CEP131: variants seen among roughly 807,000 people sequenced by gnomAD.
CEP131 encodes centrosomal protein of 131 kDa.
CEP131 carries 99 observed loss-of-function variants against 136.8 expected under a neutral mutation model. The observed-to-expected ratio is 0.72, with a 90% CI of 0.62 to 0.86. The LOEUF (loss-of-function observed/expected upper bound fraction) is 0.86. Among genes scored for constraint, CEP131 ranks in the 40% least tolerant of loss-of-function variants. CEP131 has a pLI of 0.00. For missense variants in CEP131, 1,459 were observed against 1,463.0 expected, an observed-to-expected ratio of 1.00 and a Z score of 0.04; for synonymous variants, 646 against 612.7, an observed-to-expected ratio of 1.05 and a Z score of -0.80.
At chr17:81,220,207 C>T (rs1472669573) in intron 1 of CEP131, 134 bp from the exon 2 acceptor site, 4 of 607,788 alleles carry the variant, frequency 6.6e-6, no homozygotes, top group African/African-American at 1.9e-5. Flanking sequence ...ACAACCTATG[C>T]ACCCCTCTGG....
intron 2 of CEP131, among the ~76,000 whole-genome samples, chr17:81,217,663 C>T (rs763672792): frequency 3.3e-5 from 5 of 152,106 alleles, no homozygotes; most frequent in African/African-American, 9.7e-5. Flanking sequence ...GGGGTGGGGC[C>T]GTCTCGGATC....
At chr17:81,197,444 T>A (rs1391002736) in intron 13 of CEP131, 1 of 557,408 alleles carries the variant, frequency 1.8e-6, no homozygotes, top group African/African-American at 1.9e-5. Flanking sequence ...TGGAGGCAGC[T>A]CGGGGCAGCG....
intron 2 of CEP131, among the ~76,000 whole-genome samples, chr17:81,214,283 G>A (rs537102228): frequency 2.3e-4 from 35 of 152,298 alleles, no homozygotes; most frequent in Admixed American, 6.5e-4. Flanking sequence ...CAGTCACGCC[G>A]GAGGCTCACG....
chr17:81,194,062 G>T lies in CEP131; in HGVS notation c.2185C>A (p.Leu729Met), dbSNP rs572800471. 1 of 1,585,622 alleles carries T rather than the reference G, an allele frequency of 6.3e-7. No individual in the cohort carries two copies. The highest frequency in any genetic ancestry group is 8.6e-7 in the Non-Finnish European group (1 of 1,166,490). ...GACTGCAGCAGCTCCGCCTCGTGCA[G>T]GCTCTTGAGCCTCCGCACTTCCTGC... ...HKQEVRRLKS[L>M]HEAELLQSDE... Residue 729 changes from leucine to methionine, a missense_variant, in exon 18 of 26, where the codon CTG becomes ATG. Leu to Met is a conservative substitution (Grantham distance 15). Around this residue, in one of 3 missense-constraint regions of CEP131, gnomAD observed 1,026 missense variants for 964.2 expected, o/e 1.06. Transcript: ENST00000450824.
intron 7 of CEP131, 79 bp downstream of exon 7, chr17:81,202,161 T>TG: frequency 7.3e-5 from 40 of 546,316 alleles, no homozygotes; most frequent in Non-Finnish European, 1.0e-4. Context: ...CTCGGAGGTG[T>TG]GAGCCCCCCA....
chr17:81,191,020 G>A lies in CEP131; in HGVS notation c.2830C>T (p.Leu944Phe), dbSNP rs767380193. The change falls in exon 23 of 26, where the codon CTT becomes TTT. Residue 944 changes from leucine (L) to phenylalanine (F), a missense_variant. Around this residue, in one of 3 missense-constraint regions of CEP131, gnomAD observed 1,026 missense variants for 964.2 expected, o/e 1.06. Transcript: ENST00000450824. ...LSELEQSERK[L>F]QERCSELKGQ... The stretch of plus-strand genomic sequence containing the variant: ...TTCAGCTCCGAGCACCGCTCCTGAA[G>A]CTTCCGCTCCGACTGCTCCAGCTCG... 1.2e-6 allele frequency: 2 copies of A among 1,610,424 alleles called. No homozygotes were observed. The highest frequency in any genetic ancestry group is 1.1e-5 in the South Asian group (1 of 91,086).
In CEP131 at chr17:81,209,069, A is replaced by G. The variant is rs1457476647; in HGVS notation, c.178-47T>C. ...TTAATTATGCAGCAAAGGCTCACTCACCAGTTTGCTCAGCCTCCGCCAGCT... is the reference window on the plus strand; with the variant it reads ...TTAATTATGCAGCAAAGGCTCACTCGCCAGTTTGCTCAGCCTCCGCCAGCT... On this transcript the variant is annotated intron_variant, in intron 2 of 25. Coordinates refer to ENST00000450824, the MANE Select transcript of CEP131 (RefSeq NM_014984.4). 2.1e-6 allele frequency: 3 copies of G among 1,408,986 alleles called. No individual in the cohort carries two copies. In the Admixed American group the frequency reaches 5.6e-5, roughly 26 times the overall value. 87.3% of individuals were successfully genotyped at this position (1,408,986 alleles called of 1,614,324 possible).
In CEP131 at chr17:81,219,081, C is replaced by T. The variant is rs62075323; in HGVS notation, c.177+799G>A. On this transcript the variant is annotated intron_variant, in intron 2 of 25. Transcript: ENST00000450824. The surrounding 1 kb of genome is among the most constrained non-coding windows in gnomAD (Gnocchi z 4.0). ...CCCAAAGACTGGGCCTGGCAGACAC[C>T]AACTCAGGGTGCAGCAGGCCCGGCC... Among the ~76,000 whole-genome samples the T allele has an allele frequency of 6.6e-6, 1 of 152,114 alleles. No individual in the cohort carries two copies. Among genetic ancestry groups the T allele is most frequent in the Non-Finnish European group, 1.5e-5 (1 of 68,008 alleles).
At chr17:81,212,743 A>G (rs2062161759) in intron 2 of CEP131, among the ~76,000 whole-genome samples, 1 of 152,174 alleles carries the variant, frequency 6.6e-6, no homozygotes, top group African/African-American at 2.4e-5. Context: ...TCCTCACTGC[A>G]GGAGGGGAGG....
In CEP131 at chr17:81,199,365, G is replaced by A. The variant is rs372272864; in HGVS notation, c.1192+16C>T. 1.1e-4 allele frequency: 179 copies of A among 1,589,836 alleles called. 1 individual carries two copies. The East Asian group carries it at 2.5e-3, about 22-fold the overall frequency. On this transcript the variant is annotated intron_variant, in intron 10 of 25. Coordinates refer to ENST00000450824, the MANE Select transcript of CEP131 (RefSeq NM_014984.4). ...GTCCACCCCCCAGAGCAGGGCGGGC[G>A]TGGAGCCACTCTCACCAGTATTGTT...
In CEP131 at chr17:81,196,591, G is replaced by T; in HGVS notation, c.1899+110C>A. ...TGGAATGCGTCCAGCGGACACCCGT[G>T]TGACACCCAACAGAGGAAGAAGCTC... On this transcript the variant is annotated intron_variant, in intron 15 of 25. Transcript: ENST00000450824. 2.1e-6 allele frequency: 3 copies of T among 1,450,626 alleles called. No individual in the cohort carries two copies. The South Asian group carries it at 4.1e-5, about 20-fold the overall frequency. The allele number at this position is 1,450,626 out of a possible 1,614,324, so 89.9% of individuals were successfully genotyped here. A position where few individuals can be genotyped will look rare whatever the true frequency, so the allele number is the denominator to read the frequency against.
chr17:81,201,026 C>G (rs1246962119), intron 7 of CEP131, among the ~76,000 whole-genome samples: 1 of 152,128 alleles, frequency 6.6e-6, no homozygotes, highest in African/African-American at 2.4e-5. Context: ...GAACTGCACA[C>G]TTACAATGGG....
At chr17:81,209,179 G>C (rs1259123582) in intron 2 of CEP131, among the ~76,000 whole-genome samples, 157 bp from the exon 3 acceptor site, 1 of 152,206 alleles carries the variant, frequency 6.6e-6, no homozygotes, top group African/African-American at 2.4e-5. Context: ...GGTGGTCAGA[G>C]GGGCAGGAGC....
At chr17:81,202,571 C>T (rs1598294103) in intron 6 of CEP131, among the ~76,000 whole-genome samples, 173 bp from the exon 7 acceptor site, 2 of 152,330 alleles carry the variant, frequency 1.3e-5, no homozygotes, top group African/African-American at 4.8e-5. Flanking sequence ...CTCTCCCGTG[C>T]CACATCCTGG....
At chr17:81,194,729 G>T in intron 17 of CEP131, 141 bp downstream of exon 17, 2 of 771,630 alleles carry the variant, frequency 2.6e-6, no homozygotes, top group Non-Finnish European at 4.5e-6. Context: ...CCGTGACGGG[G>T]GTGGTTGGGG....
intron 21 of CEP131, among the ~76,000 whole-genome samples, chr17:81,192,039 G>C (rs767541636): frequency 6.6e-5 from 10 of 152,006 alleles, no homozygotes; most frequent in African/African-American, 1.2e-4. Flanking sequence ...GGGGCGCAGG[G>C]GTGTAGCAGC....
chr17:81,190,617 C>T, intron 24 of CEP131, 22 bp downstream of exon 24: 2 of 1,550,102 alleles, frequency 1.3e-6, no homozygotes, highest in Non-Finnish European at 1.7e-6. Context: ...CCGTCTCCAG[C>T]CCTGCAGCCC....
rs148128385 is a variant in CEP131 at position 81,217,110 on chromosome 17, G to A, written c.177+2770C>T. Among the ~76,000 whole-genome samples the A allele has an allele frequency of 3.3e-3, 502 of 152,282 alleles. 1 individual carries two copies. Among genetic ancestry groups the A allele is most frequent in the African/African-American group, 0.011 (467 of 41,552 alleles). ...GTTCCCCAGTGAGCTTGTGCTCTTG[G>A]GATTTAAAGACCTCTTTTCTTTAAG... On this transcript the variant is annotated intron_variant, in intron 2 of 25. Coordinates refer to ENST00000450824, the MANE Select transcript of CEP131 (RefSeq NM_014984.4).
chr17:81,200,548 G>C (rs3803765), intron 7 of CEP131, 102 bp from the exon 8 acceptor site: 4 of 867,864 alleles, frequency 4.6e-6, no homozygotes, highest in Non-Finnish European at 7.3e-6. Context: ...AGAAGCCGGC[G>C]GCTGCACTCA....
Sources: gnomAD v4.1 joint callset for allele counts (sites outside exome capture counted in the v4.1 genomes callset) on GRCh38, gnomAD v4.1.1 for gene constraint, gnomAD v4.1.1 regional missense constraint, Gnocchi (gnomAD v3.1) non-coding constraint, MANE v1.5 for transcripts, NCBI Gene and HGNC (gene_info 2026-07-23, HGNC 2026-07-21) for gene names.